ULK2: variants seen among roughly 807,000 people sequenced by gnomAD.
ULK2 encodes the protein serine/threonine-protein kinase ULK2.
Under a neutral mutation model 127.5 loss-of-function variants are expected in ULK2, and 76 were observed. That is an observed-to-expected ratio of 0.60 (90% CI 0.50 to 0.72). The LOEUF (loss-of-function observed/expected upper bound fraction) is 0.72, where lower values mean the gene tolerates loss of function less well. Ranked by LOEUF, ULK2 falls within the 30% of genes least tolerant of loss-of-function variation. The pLI, the probability that ULK2 is intolerant of heterozygous loss-of-function variation, is 0.00. For missense variants in ULK2, 1,144 were observed against 1,295.9 expected, an observed-to-expected ratio of 0.88 and a Z score of 1.80; for synonymous variants, 452 against 461.9, an observed-to-expected ratio of 0.98 and a Z score of 0.28.
intron 9 of ULK2, among the ~76,000 whole-genome samples, chr17:19,839,607 A>G (rs1196215738): frequency 6.6e-6 from 1 of 151,082 alleles, no homozygotes; most frequent in African/African-American, 2.4e-5. Flanking sequence ...TGTTGCAGTG[A>G]GCCAAGATCG....
chr17:19,824,269 AC>A (rs1234854342), intron 12 of ULK2, among the ~76,000 whole-genome samples: 1 of 151,846 alleles, frequency 6.6e-6, no homozygotes, highest in East Asian at 1.9e-4. Flanking sequence ...ACATAGTGAA[AC>A]CCCGTCTCTA....
In ULK2 at chr17:19,782,072, A is replaced by G. The variant is rs772736230; in HGVS notation, c.2461-5T>C. The G allele has an allele frequency of 6.2e-7, 1 of 1,612,682 alleles. No individual in the cohort carries two copies. Among genetic ancestry groups the G allele is most frequent in the Admixed American group, 1.7e-5 (1 of 59,822 alleles). On this transcript the variant is annotated splice_polypyrimidine_tract_variant and splice_region_variant and intron_variant, in intron 22 of 26. Transcript: ENST00000395544. ...TAAGGTGTCTGTGTGTTCCCGCTGC[A>G]GCAAAGTCAATTTGTCTTAGAAAAT...
At chr17:19,813,394 A>G (rs2040891354) in intron 13 of ULK2, among the ~76,000 whole-genome samples, 1 of 152,196 alleles carries the variant, frequency 6.6e-6, no homozygotes, top group South Asian at 2.1e-4. Flanking sequence ...AACTCACTAA[A>G]AGGGTAAGAA....
At chr17:19,841,440 C>T in intron 9 of ULK2, 49 bp downstream of exon 9, 1 of 1,488,586 alleles carries the variant, frequency 6.7e-7, no homozygotes, top group Non-Finnish European at 9.1e-7. Flanking sequence ...TTCAAATAAA[C>T]AACACTGTAT....
rs1019998225 is a variant in ULK2, at chr17:19,864,194, G to A, written c.225+609C>T. 1.2e-4 allele frequency among the ~76,000 whole-genome samples: 19 copies of A among 152,224 alleles called. 1 individual carries two copies. The highest frequency in any genetic ancestry group is 1.1e-3 in the Admixed American group (17 of 15,288). On this transcript the variant is annotated intron_variant, in intron 3 of 26. Transcript: ENST00000395544. ...AAAAGAACTTCTATTTAGGCGGGGC[G>A]CAGTGGCTCACGCCTGTAATCCCAG...
intron 16 of ULK2, 46 bp from the exon 17 acceptor site, chr17:19,799,621 T>G: frequency 7.2e-7 from 1 of 1,395,394 alleles, no homozygotes; most frequent in Non-Finnish European, 9.4e-7. Context: ...AGAAAAATGA[T>G]CAAAAACCAA....
intron 3 of ULK2, among the ~76,000 whole-genome samples, chr17:19,856,955 T>A (rs1160799116): frequency 8.9e-6 from 1 of 111,934 alleles, no homozygotes; most frequent in African/African-American, 3.7e-5. Context: ...CCAGCCTTGG[T>A]GACAAAGCGA....
rs928944598 is a variant in ULK2 at position 19,822,966 on chromosome 17, G to T, written c.924+2128C>A. Among the ~76,000 whole-genome samples, 8 of 150,546 alleles carry T rather than the reference G, an allele frequency of 5.3e-5. 1 individual carries two copies. In the East Asian group the frequency reaches 1.6e-3, roughly 29 times the overall value. ...CTCCCAAAGTGCTAGGATTACAGGC[G>T]TGAGTCACCACACCCAGCCGGATTT... On this transcript the variant is annotated intron_variant, in intron 12 of 26. Transcript: ENST00000395544.
chr17:19,846,975 T>C (rs1304100909), intron 5 of ULK2, 65 bp from the exon 6 acceptor site: 5 of 1,472,804 alleles, frequency 3.4e-6, no homozygotes, highest in Non-Finnish European at 4.6e-6. Context: ...GCATATTCCA[T>C]CAACAGGATT....
chr17:19,798,833 A>AT (rs1236526198), intron 17 of ULK2, among the ~76,000 whole-genome samples: 1 of 152,126 alleles, frequency 6.6e-6, no homozygotes, highest in Non-Finnish European at 1.5e-5. Flanking sequence ...AATCTATATT[A>AT]TTTTATCTGA....
intron 10 of ULK2, among the ~76,000 whole-genome samples, chr17:19,834,353 T>C (rs2041538245): frequency 6.6e-6 from 1 of 152,138 alleles, no homozygotes; most frequent in African/African-American, 2.4e-5. Flanking sequence ...GTACATTATA[T>C]ATTTTTCTCT....
chr17:19,866,922 G>T (rs1311052652), intron 1 of ULK2, among the ~76,000 whole-genome samples: 1 of 152,128 alleles, frequency 6.6e-6, no homozygotes, highest in Non-Finnish European at 1.5e-5. Context: ...CCCATTTTCC[G>T]CTGGGTCTGT....
intron 15 of ULK2, among the ~76,000 whole-genome samples, 157 bp downstream of exon 15, chr17:19,804,536 T>A (rs2087471170): frequency 6.6e-6 from 1 of 152,194 alleles, no homozygotes; most frequent in South Asian, 2.1e-4. Context: ...GCATTTAAAT[T>A]CATCAATTAT....
At chr17:19,783,180 A>G (rs1451279232) in intron 22 of ULK2, among the ~76,000 whole-genome samples, 2 of 151,986 alleles carry the variant, frequency 1.3e-5, no homozygotes, top group African/African-American at 4.8e-5. Context: ...AGAATGTACT[A>G]GAATGCTCAC....
chr17:19,867,454 G>A lies in ULK2; in HGVS notation c.-37C>T. On this transcript the variant is annotated 5_prime_UTR_variant, in exon 1 of 27. Coordinates refer to ENST00000395544, the MANE Select transcript of ULK2 (RefSeq NM_014683.4). ...CGGGGCACACAGCGGACGGGCGGGC[G>A]GCGCAGTGCGGCGCAGGTATCAGCA... 2 of 1,542,228 alleles carry A rather than the reference G, an allele frequency of 1.3e-6. No homozygotes were observed. Among genetic ancestry groups the A allele is most frequent in the South Asian group, 1.2e-5 (1 of 85,626 alleles).
chr17:19,799,624 A>T, intron 16 of ULK2, 49 bp from the exon 17 acceptor site: 1 of 1,486,062 alleles, frequency 6.7e-7, no homozygotes, highest in Non-Finnish European at 8.9e-7. Context: ...AAAATGATCA[A>T]AAACCAATAA....
At chr17:19,845,502 T>A (rs3098906) in intron 6 of ULK2, 125 bp from the exon 7 acceptor site, 61,341 of 667,298 alleles carry the variant, frequency 0.092, 6,797 homozygotes, top group African/African-American at 0.35. Flanking sequence ...CTTATTGAAT[T>A]AGACTGTCCA....
intron 22 of ULK2, 135 bp downstream of exon 22, chr17:19,783,562 T>A (rs1046622270): frequency 1.8e-5 from 16 of 878,856 alleles, no homozygotes; most frequent in Non-Finnish European, 2.5e-5. Context: ...ACATCAGCAA[T>A]ACTTTTCAAA....
At position 19,846,249 on chromosome 17, in the gene ULK2, C is replaced by G. The variant is rs567481536; in HGVS notation, c.469+488G>C. Among the ~76,000 whole-genome samples the G allele has an allele frequency of 3.9e-5, 6 of 152,316 alleles. 1 individual carries two copies. In the South Asian group the frequency reaches 1.2e-3, roughly 32 times the overall value. ...AGCTCCTGATGTGGGCCTGTCAGCA[C>G]TGCCTGAGACTTGGCAGAAACTGTC... On this transcript the variant is annotated intron_variant, in intron 6 of 26. Transcript: ENST00000395544.
Sources: allele counts gnomAD v4.1 joint callset (sites outside exome capture counted in the v4.1 genomes callset), GRCh38; gene constraint gnomAD v4.1.1; transcripts MANE v1.5; gene names NCBI Gene and HGNC (gene_info 2026-07-23, HGNC 2026-07-21).